Variants in C14orf39 observed in about 807,000 individuals in gnomAD.
The protein encoded by C14orf39 is chromosome 14 open reading frame 39.
Under a neutral mutation model 85.6 loss-of-function variants are expected in C14orf39, and 66 were observed. The observed-to-expected ratio is 0.77, with a 90% CI of 0.63 to 0.95. C14orf39 has a LOEUF of 0.95. Among genes scored for constraint, C14orf39 ranks in the 40% least tolerant of loss-of-function variants. The pLI is 0.00. For synonymous variants in C14orf39, 242 were observed against 214.0 expected (o/e 1.13, Z -1.14); for missense variants, 735 against 663.9 (o/e 1.11, Z -1.18).
intron 11 of C14orf39, among the ~76,000 whole-genome samples, chr14:60,462,188 A>G (rs368692204): frequency 1.3e-5 from 2 of 152,090 alleles, no homozygotes; most frequent in East Asian, 3.9e-4. Context: ...CAGCCTGTAC[A>G]ACATAGTGAG....
chr14:60,461,383 G>C lies in C14orf39; in HGVS notation c.1088C>G (p.Ser363Cys). ...RLLTPQKQSN[S>C]NQWSEKGDKD... Reference sequence around the variant, plus strand: ...ATCCCCTTTTTCCGACCACTGATTGGAATTTGATTGTTTCTGTGGGGTTAA... The same window carrying C: ...ATCCCCTTTTTCCGACCACTGATTGCAATTTGATTGTTTCTGTGGGGTTAA... Residue 363 changes from serine (S) to cysteine (C), a missense_variant, in exon 13 of 18, where the codon TCC (serine) becomes TGC (cysteine). Ser to Cys is a moderately radical substitution (Grantham distance 112, BLOSUM62 -1). Transcript: ENST00000321731. 1 of 1,610,932 alleles carries C rather than the reference G, an allele frequency of 6.2e-7. No individual in the cohort carries two copies. Among genetic ancestry groups the C allele is most frequent in the South Asian group, 1.1e-5 (1 of 90,686 alleles).
At chr14:60,447,665 A>ACTTT (rs1380798813) in intron 16 of C14orf39, among the ~76,000 whole-genome samples, 1 of 152,174 alleles carries the variant, frequency 6.6e-6, no homozygotes, top group African/African-American at 2.4e-5. Flanking sequence ...GCTACCAAAG[A>ACTTT]CTTTCTTCAT....
upstream of C14orf39, among the ~76,000 whole-genome samples, chr14:60,490,441 AAATAAATAAATG>A (rs767199021): frequency 0.073 from 2,490 of 34,310 alleles, 58 homozygotes; most frequent in South Asian, 0.099. Context: ...CCATCTCTAT[AAATAAATAAATG>A]AATAAATAAA....
rs775205400 is a variant in C14orf39, at chr14:60,509,749, G to C, written c.-144+5646C>G. The C allele has an allele frequency of 1.9e-6, 3 of 1,613,262 alleles. No homozygotes were observed. The East Asian group carries it at 6.7e-5, about 36-fold the overall frequency. ...CTGTGGACAAGTACCGAGTAAGGAA[G>C]AAGTTCCCGCTGCCGCGCACCATTT... On this transcript the variant is annotated intron_variant, in intron 1 of 5. Transcript: ENST00000556799.
chr14:60,456,993 A>T lies in C14orf39; in HGVS notation c.1282T>A (p.Leu428Ile). ...GCTTTCACAGCTTTGGGAGTTCCTA[A>T]AAATATAGGAATTTCAGACGTTCGT... Reference protein sequence around the residue: ...FPRTSEIPIFLGTPKAVKAPE... With the variant: ...FPRTSEIPIFIGTPKAVKAPE... The change falls in exon 15 of 18, where the codon TTA (leucine) becomes ATA (isoleucine). Residue 428 changes from leucine (L) to isoleucine (I), a missense_variant. Leu to Ile is a conservative substitution (Grantham distance 5). Coordinates refer to ENST00000321731, the MANE Select transcript of C14orf39 (RefSeq NM_174978.3). The T allele has an allele frequency of 6.2e-7, 1 of 1,611,266 alleles. No homozygotes were observed. Among genetic ancestry groups the T allele is most frequent in the Non-Finnish European group, 8.5e-7 (1 of 1,178,538 alleles).
At chr14:60,465,261 A>G (rs1049923867) in intron 11 of C14orf39, among the ~76,000 whole-genome samples, 5 of 152,144 alleles carry the variant, frequency 3.3e-5, no homozygotes, top group African/African-American at 1.2e-4. Flanking sequence ...TTTGGTCACC[A>G]CTACCAGTGG....
chr14:60,482,190 G>A (rs1246902489), intron 4 of C14orf39, among the ~76,000 whole-genome samples: 1 of 152,174 alleles, frequency 6.6e-6, no homozygotes, highest in Non-Finnish European at 1.5e-5. Flanking sequence ...AAAGTACAGT[G>A]TATCTAGGAC....
At chr14:60,451,263 T>C (rs572154013) in intron 16 of C14orf39, among the ~76,000 whole-genome samples, 2 of 152,282 alleles carry the variant, frequency 1.3e-5, no homozygotes, top group East Asian at 3.9e-4. Flanking sequence ...AGTTCAACCA[T>C]TGTGGAAGTC....
chr14:60,479,533 T>G (rs2140149519), intron 4 of C14orf39, among the ~76,000 whole-genome samples: 1 of 152,242 alleles, frequency 6.6e-6, no homozygotes, highest in Non-Finnish European at 1.5e-5. Flanking sequence ...TGCCCCTGAA[T>G]CTAAAATAAA....
At chr14:60,454,693 G>A (rs762911699) in intron 16 of C14orf39, among the ~76,000 whole-genome samples, 12 of 151,950 alleles carry the variant, frequency 7.9e-5, no homozygotes, top group Non-Finnish European at 1.5e-4. Context: ...TTTATGTTGA[G>A]AATTCTAGTT....
intron 13 of C14orf39, among the ~76,000 whole-genome samples, chr14:60,460,919 T>G (rs954916670): frequency 2.6e-5 from 4 of 151,610 alleles, no homozygotes; most frequent in Non-Finnish European, 5.9e-5. Flanking sequence ...CATGAAAGAA[T>G]GACTAAGTAA....
chr14:60,456,839 C>A (rs1891300396), intron 15 of C14orf39, 78 bp downstream of exon 15: 2 of 1,270,246 alleles, frequency 1.6e-6, no homozygotes, highest in East Asian at 2.5e-5. Context: ...AGGTACTAAG[C>A]ATTTTACTAT....
chr14:60,447,656 C>A (rs1295120528), intron 16 of C14orf39, among the ~76,000 whole-genome samples: 2 of 152,170 alleles, frequency 1.3e-5, no homozygotes, highest in Non-Finnish European at 2.9e-5. Context: ...CCCCATCAAG[C>A]TACCAAAGAC....
At chr14:60,511,795 CCTT>C (rs1294392163) in intron 1 of C14orf39, 3 of 161,192 alleles carry the variant, frequency 1.9e-5, no homozygotes, top group African/African-American at 7.2e-5. Flanking sequence ...TAGTGGGCAA[CCTT>C]CTTAATTAAG....
intron 17 of C14orf39, among the ~76,000 whole-genome samples, chr14:60,438,072 T>C (rs1038766824): frequency 6.6e-6 from 1 of 151,916 alleles, no homozygotes; most frequent in Non-Finnish European, 1.5e-5. Flanking sequence ...TAAATATCTA[T>C]TTTTATATAG....
Position 60,436,737 on chromosome 14 carries a change from C to A in C14orf39, c.*108G>T. ...ATATAATCAAATAATGTAAACATTACTGCTTTAATCAATAAAAGAAAGCAG... is the reference window on the plus strand; with the variant it reads ...ATATAATCAAATAATGTAAACATTAATGCTTTAATCAATAAAAGAAAGCAG... On this transcript the variant is annotated 3_prime_UTR_variant, in exon 18 of 18. Coordinates refer to ENST00000321731, the MANE Select transcript of C14orf39 (RefSeq NM_174978.3). 2.8e-6 allele frequency: 2 copies of A among 708,708 alleles called. No individual in the cohort carries two copies. Among genetic ancestry groups the A allele is most frequent in the Non-Finnish European group, 4.7e-6 (2 of 425,032 alleles). The allele number at this position is 708,708 out of a possible 1,614,324, so 43.9% of individuals were successfully genotyped here.
At chr14:60,469,701 A>G in intron 7 of C14orf39, 48 bp from the exon 8 acceptor site, 1 of 790,432 alleles carries the variant, frequency 1.3e-6, no homozygotes, top group Non-Finnish European at 1.8e-6. Flanking sequence ...TTATATTTAT[A>G]ATATATGTGC....
At chr14:60,450,226 T>C (rs554623929) in intron 16 of C14orf39, among the ~76,000 whole-genome samples, 13 of 152,118 alleles carry the variant, frequency 8.5e-5, no homozygotes, top group African/African-American at 2.7e-4. Context: ...GATCTTGGGG[T>C]CCCTGAGTTC....
chr14:60,507,835 G>A (rs1318675767), intron 1 of C14orf39, among the ~76,000 whole-genome samples: 15 of 152,102 alleles, frequency 9.9e-5, no homozygotes, highest in African/African-American at 2.7e-4. Context: ...GTCTAGGGAT[G>A]GACCTCCCCA....
Sources: gnomAD v4.1 joint callset for allele counts (sites outside exome capture counted in the v4.1 genomes callset) on GRCh38, gnomAD v4.1.1 for gene constraint, MANE v1.5 for transcripts, NCBI Gene and HGNC (gene_info 2026-07-23, HGNC 2026-07-21) for gene names.